The following CERS4 variants were observed in gnomAD, a reference collection of about 807,000 sequenced individuals.
CERS4 encodes the protein ceramide synthase 4, also known as LAG1 homolog, ceramide synthase 4.
CERS4 carries 65 observed loss-of-function variants against 51.8 expected under a neutral mutation model. The ratio of observed to expected loss-of-function variants is 1.26; its 90% CI spans 1.03 to 1.54. The LOEUF (loss-of-function observed/expected upper bound fraction) is 1.54, where lower values mean the gene tolerates loss of function less well. CERS4 is among the 40% of genes most tolerant of loss of function. The pLI is 0.00. For missense variants in CERS4, 563 were observed against 500.4 expected, an observed-to-expected ratio of 1.13 and a Z score of -1.19; for synonymous variants, 228 against 208.4, an observed-to-expected ratio of 1.09 and a Z score of -0.81.
rs749014272 is a variant in CERS4, at chr19:8,261,741, GCTA to G, written c.908_910del (p.Tyr303del). The G allele has an allele frequency of 1.9e-6, 3 of 1,614,110 alleles. No individual in the cohort carries two copies. The Admixed American group carries it at 5.0e-5, about 27-fold the overall frequency. ...ATCAGCAACAGGGGCCCCTTCTTCG[GCTA>G]CTACTTCTTCAACGGGCTTCTGATG... On this transcript the variant is annotated inframe_deletion, in exon 11 of 12. Transcript: ENST00000251363.
chr19:8,248,562 A>G (rs148931153), intron 2 of CERS4, among the ~76,000 whole-genome samples: 178 of 151,408 alleles, frequency 1.2e-3, no homozygotes, highest in Admixed American at 1.8e-3. Flanking sequence ...AGATGTTTAG[A>G]TGGGTGGACA....
Position 8,251,264 on chromosome 19 carries a change from T to G in CERS4, c.173+15T>G. ...GCCTTTGAGAGGTGAGTGTCTGCCC[T>G]GCCGCAATCCATTGCCCCCGCAGTC... On this transcript the variant is annotated intron_variant, in intron 3 of 11. Coordinates refer to ENST00000251363, the MANE Select transcript of CERS4 (RefSeq NM_024552.3). The G allele has an allele frequency of 6.4e-7, 1 of 1,571,640 alleles. No homozygotes were observed. The highest frequency in any genetic ancestry group is 8.6e-7 in the Non-Finnish European group (1 of 1,159,854).
intron 2 of CERS4, among the ~76,000 whole-genome samples, chr19:8,212,953 CACTT>C (rs1319270767): frequency 1.3e-5 from 2 of 152,010 alleles, no homozygotes; most frequent in Non-Finnish European, 2.9e-5. Context: ...CAGCCCGTCT[CACTT>C]TCTTTTGTGG....
intron 9 of CERS4, 52 bp downstream of exon 9, chr19:8,257,129 A>T: frequency 6.5e-7 from 1 of 1,528,202 alleles, no homozygotes; most frequent in Non-Finnish European, 8.8e-7. Context: ...CAGCCCTCCC[A>T]GGTGCCCCAG....
intron 2 of CERS4, among the ~76,000 whole-genome samples, chr19:8,211,116 C>T (rs1185503350): frequency 6.6e-6 from 1 of 152,114 alleles, no homozygotes; most frequent in African/African-American, 2.4e-5. Context: ...GCTTCCATTT[C>T]TCCTCTGAGA....
intron 10 of CERS4, among the ~76,000 whole-genome samples, chr19:8,258,316 G>A (rs532241977): frequency 1.4e-4 from 21 of 152,314 alleles, no homozygotes; most frequent in African/African-American, 4.3e-4. Context: ...CAAAGATCCC[G>A]GCCCTTGTGA....
At chr19:8,255,116 G>A (rs1208811531) in intron 4 of CERS4, among the ~76,000 whole-genome samples, 1 of 152,144 alleles carries the variant, frequency 6.6e-6, no homozygotes, top group Non-Finnish European at 1.5e-5. Flanking sequence ...GGTCTGTGCT[G>A]TGGAGGCGTG....
chr19:8,238,143 C>T (rs1447324498), intron 2 of CERS4, among the ~76,000 whole-genome samples: 5 of 152,054 alleles, frequency 3.3e-5, no homozygotes, highest in African/African-American at 9.7e-5. Flanking sequence ...CCCTCACGGA[C>T]CTCCCCACTT....
chr19:8,257,839 C>T (rs759139356), intron 9 of CERS4, 40 bp from the exon 10 acceptor site: 5 of 1,515,506 alleles, frequency 3.3e-6, no homozygotes, highest in Non-Finnish European at 3.7e-6. Context: ...GAGACCAGGG[C>T]CCTGGTCCTG....
intron 2 of CERS4, among the ~76,000 whole-genome samples, chr19:8,237,497 G>T (rs998858054): frequency 1.3e-5 from 2 of 152,072 alleles, no homozygotes; most frequent in African/African-American, 4.8e-5. Context: ...AGAGGTTGCA[G>T]TGAGCCAAGA....
At chr19:8,256,838 T>C (rs983738016) in intron 8 of CERS4, 111 bp from the exon 9 acceptor site, 6 of 1,586,962 alleles carry the variant, frequency 3.8e-6, no homozygotes, top group Admixed American at 3.5e-5. Context: ...ATAGAGGCCA[T>C]GGGCCCAGAG....
At chr19:8,245,808 G>C (rs1968755037) in intron 2 of CERS4, among the ~76,000 whole-genome samples, 1 of 148,734 alleles carries the variant, frequency 6.7e-6, no homozygotes, top group Non-Finnish European at 1.5e-5. Flanking sequence ...CCAAAGTGCT[G>C]GGATTACAGG....
chr19:8,233,907 C>T (rs928050314), intron 2 of CERS4, among the ~76,000 whole-genome samples: 3 of 152,036 alleles, frequency 2.0e-5, no homozygotes, highest in African/African-American at 7.2e-5. Context: ...GTAGTCCCAG[C>T]TGCTCAGGAG....
intron 4 of CERS4, 89 bp from the exon 5 acceptor site, chr19:8,255,518 G>T: frequency 1.8e-6 from 2 of 1,142,640 alleles, no homozygotes; most frequent in South Asian, 2.9e-5. Context: ...GGCCTGCAGT[G>T]GAGAGGGCAG....
rs112658626 is a variant in CERS4, at chr19:8,211,280, G to A, written c.-2+418G>A. 6.6e-3 allele frequency among the ~76,000 whole-genome samples: 1,009 copies of A among 152,242 alleles called. 11 individuals carry two copies. Among genetic ancestry groups the A allele is most frequent in the African/African-American group, 0.022 (926 of 41,546 alleles). ...GGGCCCAGGTTCCCTCCTCCCACCC[G>A]TGGGATGGCACAGAAAGGCAGGTGC... On this transcript the variant is annotated intron_variant, in intron 2 of 11. Coordinates refer to ENST00000251363, the MANE Select transcript of CERS4 (RefSeq NM_024552.3).
chr19:8,260,238 A>G (rs1026940393), intron 10 of CERS4, among the ~76,000 whole-genome samples: 1 of 152,032 alleles, frequency 6.6e-6, no homozygotes, highest in Admixed American at 6.6e-5. Flanking sequence ...TCTGTCACCT[A>G]GACTGGAGTG....
intron 3 of CERS4, among the ~76,000 whole-genome samples, chr19:8,253,468 TTTTG>T (rs1191481168): frequency 1.1e-4 from 17 of 148,870 alleles, no homozygotes; most frequent in Admixed American, 2.7e-4. Context: ...TTTTTTTTTT[TTTTG>T]GGGAGACAGA....
At position 8,255,825 on chromosome 19, in the gene CERS4, G is replaced by GAGGTTT; in HGVS notation, c.415_420dup (p.Arg139_Phe140dup). 1 of 1,613,958 alleles carries GAGGTTT rather than the reference G, an allele frequency of 6.2e-7. No individual in the cohort carries two copies. On this transcript the variant is annotated inframe_insertion, in exon 6 of 12. Transcript: ENST00000251363. The stretch of plus-strand genomic sequence containing the variant: ...ACAGCTCCCTCCCCATCCACAGCTG[G>GAGGTTT]AGGTTTCTCTTCTACCTGTCCTCCT...
chr19:8,232,531 A>G (rs902816103), intron 2 of CERS4, among the ~76,000 whole-genome samples: 5 of 151,840 alleles, frequency 3.3e-5, no homozygotes, highest in African/African-American at 1.2e-4. Context: ...ACCTCAGATG[A>G]TCTGCCCACC....
Sources: allele counts gnomAD v4.1 joint callset (sites outside exome capture counted in the v4.1 genomes callset), GRCh38; gene constraint gnomAD v4.1.1; transcripts MANE v1.5; gene names NCBI Gene and HGNC (gene_info 2026-07-23, HGNC 2026-07-21).